Variants in DGKG observed in about 807,000 individuals in gnomAD.
DGKG encodes the protein diacylglycerol kinase gamma.
Under a neutral mutation model 105.3 loss-of-function variants are expected in DGKG, and 78 were observed. The ratio of observed to expected loss-of-function variants is 0.74; its 90% CI spans 0.62 to 0.89. DGKG has a LOEUF of 0.89. Among genes scored for constraint, DGKG ranks in the 40% least tolerant of loss-of-function variants. The probability of loss-of-function intolerance (pLI) is 0.00; values close to 1 mark genes in which losing one functional copy is unlikely to be tolerated. For synonymous variants in DGKG, 346 were observed against 367.1 expected (o/e 0.94, Z 0.66); for missense variants, 958 against 1,020.1 (o/e 0.94, Z 0.83).
At chr3:186,209,317 G>C (rs1383015013) in intron 21 of DGKG, among the ~76,000 whole-genome samples, 1 of 151,856 alleles carries the variant, frequency 6.6e-6, no homozygotes, top group Non-Finnish European at 1.5e-5. Context: ...GGCCAAGCTG[G>C]TCTCGAACTC....
chr3:186,313,064 C>T (rs1007343264), intron 2 of DGKG, among the ~76,000 whole-genome samples: 2 of 152,204 alleles, frequency 1.3e-5, no homozygotes, highest in Non-Finnish European at 2.9e-5. Flanking sequence ...CCCACATGTC[C>T]TATATTCTCA....
At chr3:186,299,827 T>TTCTTTTTTTC in intron 3 of DGKG, among the ~76,000 whole-genome samples, 1 of 107,346 alleles carries the variant, frequency 9.3e-6, no homozygotes, top group Non-Finnish European at 2.0e-5. Flanking sequence ...CTTTCTTTCT[T>TTCTTTTTTTC]TCTTTCTTTC....
At chr3:186,178,570 C>G (rs2108492338) in intron 22 of DGKG, among the ~76,000 whole-genome samples, 1 of 152,332 alleles carries the variant, frequency 6.6e-6, no homozygotes, top group Middle Eastern at 3.4e-3. Flanking sequence ...CAGCTCAAAC[C>G]TGTGTGAGCA....
chr3:186,254,253 G>T (rs1721359792), intron 17 of DGKG, among the ~76,000 whole-genome samples: 1 of 152,184 alleles, frequency 6.6e-6, no homozygotes, highest in South Asian at 2.1e-4. Flanking sequence ...CAGCAGGGAA[G>T]GCTCAAGCTA....
rs535762515 is a variant in DGKG at position 186,160,481 on chromosome 3, A to AT, written c.2277+1121dup. 252 of 985,272 alleles carry AT rather than the reference A, an allele frequency of 2.6e-4. No individual in the cohort carries two copies. In the African/African-American group the frequency reaches 4.2e-3, roughly 17 times the overall value. 61.0% of individuals were successfully genotyped at this position (985,272 alleles called of 1,614,324 possible). On this transcript the variant is annotated intron_variant, in intron 24 of 24. Transcript: ENST00000265022. ...CTATTATTTGATATAGTGTGTTTTCATTTTTTTCTTGGTCTTCATAAGATT... is the reference window on the plus strand; with the variant it reads ...CTATTATTTGATATAGTGTGTTTTCATTTTTTTTCTTGGTCTTCATAAGATT...
chr3:186,321,954 A>G (rs1725099836), intron 1 of DGKG, among the ~76,000 whole-genome samples: 1 of 152,128 alleles, frequency 6.6e-6, no homozygotes, highest in African/African-American at 2.4e-5. Flanking sequence ...GGCACATGCT[A>G]CTGTCAAGGT....
At chr3:186,188,530 A>G in intron 21 of DGKG, 151 bp from the exon 22 acceptor site, 1 of 777,018 alleles carries the variant, frequency 1.3e-6, no homozygotes, top group South Asian at 1.8e-5. Flanking sequence ...CAGAAGAGAA[A>G]TCATGGGCAA....
At chr3:186,282,982 C>T (rs749151720) in intron 7 of DGKG, among the ~76,000 whole-genome samples, 25 of 151,802 alleles carry the variant, frequency 1.6e-4, no homozygotes, top group Non-Finnish European at 5.9e-5. Context: ...GATCTTGGCT[C>T]ACTGCAACCT....
intron 24 of DGKG, among the ~76,000 whole-genome samples, chr3:186,157,438 TG>T (rs1716087980): frequency 6.6e-6 from 1 of 152,176 alleles, no homozygotes; most frequent in Non-Finnish European, 1.5e-5. Flanking sequence ...TATTTTTAAA[TG>T]TAATTTTTGT....
At chr3:186,184,116 G>A (rs534430240) in intron 22 of DGKG, among the ~76,000 whole-genome samples, 2 of 142,892 alleles carry the variant, frequency 1.4e-5, no homozygotes, top group East Asian at 4.1e-4. Context: ...TAGGCGTAGG[G>A]ACTTTTTTTT....
rs1722985987 is a variant in DGKG, at chr3:186,284,767, A to G, written c.545-58T>C. 2.1e-6 allele frequency: 3 copies of G among 1,429,382 alleles called. No homozygotes were observed. The highest frequency in any genetic ancestry group is 3.0e-6 in the Non-Finnish European group (3 of 1,013,778). The allele number at this position is 1,429,382 out of a possible 1,614,324, so 88.5% of individuals were successfully genotyped here. On this transcript the variant is annotated intron_variant, in intron 6 of 24. Coordinates refer to ENST00000265022, the MANE Select transcript of DGKG (RefSeq NM_001346.3). The surrounding 1 kb of genome is among the most constrained non-coding windows in gnomAD (Gnocchi z 4.0). ...TCCTCTAAGAAGCGCGGATGGCTGA[A>G]GTTTTGATGCTGCCAGGTTTTTAGA...
In DGKG at chr3:186,297,066, T is replaced by TCACACACACA. The variant is rs1352673652; in HGVS notation, c.373+354_373+355insTGTGTGTGTG. Among the ~76,000 whole-genome samples the TCACACACACA allele has an allele frequency of 7.9e-3, 977 of 123,634 alleles. 8 individuals are homozygous for TCACACACACA. The highest frequency in any genetic ancestry group is 0.047 in the South Asian group (177 of 3,740). The allele number at this position is 123,634 out of a possible 152,430, so 81.1% of individuals were successfully genotyped here. The stretch of plus-strand genomic sequence containing the variant: ...CTCTCTCTGTCTGTCTGTCTGTCTC[T>TCACACACACA]CTCACACACACACACACACACACAC... On this transcript the variant is annotated intron_variant, in intron 5 of 24. Coordinates refer to ENST00000265022, the MANE Select transcript of DGKG (RefSeq NM_001346.3).
At chr3:186,342,914 C>G (rs1726151909) in intron 1 of DGKG, among the ~76,000 whole-genome samples, 1 of 152,016 alleles carries the variant, frequency 6.6e-6, no homozygotes, top group South Asian at 2.1e-4. Flanking sequence ...CCCACAGATT[C>G]CCATCTGAAA....
chr3:186,156,418 T>C (rs1716038858), intron 24 of DGKG, among the ~76,000 whole-genome samples: 1 of 152,188 alleles, frequency 6.6e-6, no homozygotes, highest in Non-Finnish European at 1.5e-5. Context: ...TTAGTTTTTA[T>C]GTATACTAGG....
chr3:186,245,332 G>A (rs898266498), intron 19 of DGKG, among the ~76,000 whole-genome samples: 3 of 152,164 alleles, frequency 2.0e-5, no homozygotes, highest in Non-Finnish European at 4.4e-5. Flanking sequence ...CCTTTTCTAA[G>A]TCTTAAAAAG....
Position 186,161,432 on chromosome 3 carries a change from G to T in DGKG, c.2277+171C>A, listed in dbSNP as rs183301774. 1.4e-4 allele frequency: 203 copies of T among 1,439,830 alleles called. 1 individual carries two copies. The African/African-American group carries it at 2.6e-3, about 19-fold the overall frequency. The allele number at this position is 1,439,830 out of a possible 1,614,324, so 89.2% of individuals were successfully genotyped here. A position where few individuals can be genotyped will look rare whatever the true frequency, so the allele number is the denominator to read the frequency against. The stretch of plus-strand genomic sequence containing the variant: ...CTGGCATATAGCAGGTTTTCATTAA[G>T]AGTTGCCAGGTAAATGAGTGGATGG... On this transcript the variant is annotated intron_variant, in intron 24 of 24. Transcript: ENST00000265022.
At chr3:186,255,805 G>C (rs967211203) in intron 17 of DGKG, among the ~76,000 whole-genome samples, 5 of 152,062 alleles carry the variant, frequency 3.3e-5, no homozygotes, top group African/African-American at 1.2e-4. Context: ...ATCAGAGAGG[G>C]GACCATGGGG....
At chr3:186,213,589 G>A (rs1412033975) in intron 20 of DGKG, among the ~76,000 whole-genome samples, 1 of 152,206 alleles carries the variant, frequency 6.6e-6, no homozygotes, top group Admixed American at 6.5e-5. Context: ...TGGTCCAGGG[G>A]ATACTGTGAG....
At chr3:186,188,073 G>A (rs1416756643) in intron 22 of DGKG, 129 bp downstream of exon 22, 17 of 1,074,942 alleles carry the variant, frequency 1.6e-5, no homozygotes, top group East Asian at 1.2e-4. Flanking sequence ...ATCGGATGAC[G>A]AGTCAGCATA....
Sources: allele counts gnomAD v4.1 joint callset (sites outside exome capture counted in the v4.1 genomes callset), GRCh38; gene constraint gnomAD v4.1.1; non-coding constraint Gnocchi (gnomAD v3.1); transcripts MANE v1.5; gene names NCBI Gene and HGNC (gene_info 2026-07-23, HGNC 2026-07-21).